Variants in MTCH2 observed in about 807,000 individuals in gnomAD.
MTCH2 encodes the protein mitochondrial carrier 2.
Under a neutral mutation model 50.6 loss-of-function variants are expected in MTCH2, and 25 were observed. The observed-to-expected ratio is 0.49, with a 90% CI of 0.36 to 0.69. The LOEUF (loss-of-function observed/expected upper bound fraction) is 0.69, where lower values mean the gene tolerates loss of function less well. Among genes scored for constraint, MTCH2 ranks in the 30% least tolerant of loss-of-function variants. The pLI is 0.00. For missense variants in MTCH2, 273 were observed against 384.4 expected (o/e 0.71, Z 2.42); for synonymous variants, 106 against 132.0 (o/e 0.80, Z 1.35).
At chr11:47,611,831 T>A in the MTCH2 span, among the ~76,000 whole-genome samples, 1 of 152,106 alleles carries the variant, frequency 6.6e-6, no homozygotes, top group Non-Finnish European at 1.5e-5. Context: ...GCAATTACAG[T>A]TTTCATGCAA....
At chr11:47,612,199 A>T in the MTCH2 span, among the ~76,000 whole-genome samples, 1 of 152,298 alleles carries the variant, frequency 6.6e-6, no homozygotes, top group Admixed American at 6.5e-5. Flanking sequence ...AGATGGCTTG[A>T]GTCCGGGAGT....
At chr11:47,620,567 T>C (rs1048396770) in intron 12 of MTCH2, among the ~76,000 whole-genome samples, 1 of 152,080 alleles carries the variant, frequency 6.6e-6, no homozygotes, top group Admixed American at 6.5e-5. Context: ...GGTAGGAGGA[T>C]TGCTTTACCC....
intron 1 of MTCH2, among the ~76,000 whole-genome samples, chr11:47,641,262 G>T (rs1399154638): frequency 6.6e-6 from 1 of 152,296 alleles, no homozygotes; most frequent in Admixed American, 6.5e-5. Flanking sequence ...TGCCAATTCT[G>T]TTTTGGATGT....
At chr11:47,615,344 A>G (rs2097287777), downstream of MTCH2, among the ~76,000 whole-genome samples, 2 of 152,180 alleles carry the variant, frequency 1.3e-5, no homozygotes, top group Admixed American at 6.6e-5. Context: ...CCTGCTGTAT[A>G]AAACATGAAC....
At chr11:47,634,562 T>C (rs1173468203) in intron 5 of MTCH2, 110 bp downstream of exon 5, 2 of 802,856 alleles carry the variant, frequency 2.5e-6, no homozygotes, top group African/African-American at 3.5e-5. Context: ...GAAGGTTTAA[T>C]TTCATTTGGG....
chr11:47,609,067 T>G, the MTCH2 span, among the ~76,000 whole-genome samples: 2 of 122,968 alleles, frequency 1.6e-5, no homozygotes, highest in African/African-American at 3.2e-5. Context: ...GAAGTTGCGG[T>G]GACCTGAGAT....
intron 9 of MTCH2, 97 bp downstream of exon 9, chr11:47,628,856 G>C: frequency 9.2e-7 from 1 of 1,082,572 alleles, no homozygotes; most frequent in Non-Finnish European, 1.4e-6. Flanking sequence ...GGGATTACAG[G>C]TGTGAGCCAC....
At position 47,642,537 on chromosome 11, in the gene MTCH2, G is replaced by C; in HGVS notation, c.-72C>G. Reference sequence around the variant, plus strand: ...ACCCGGTGAGCCGGTCCTAGGTCACGTGCCAGGGCCGCCGGTTTCACTGGC... The same window carrying C: ...ACCCGGTGAGCCGGTCCTAGGTCACCTGCCAGGGCCGCCGGTTTCACTGGC... On this transcript the variant is annotated 5_prime_UTR_variant, in exon 1 of 13. Transcript: ENST00000302503. 1 of 1,384,648 alleles carries C rather than the reference G, an allele frequency of 7.2e-7. No homozygotes were observed. The highest frequency in any genetic ancestry group is 9.7e-7 in the Non-Finnish European group (1 of 1,030,796). 85.8% of individuals were successfully genotyped at this position (1,384,648 alleles called of 1,614,324 possible).
At chr11:47,632,365 T>C (rs1404774848) in intron 5 of MTCH2, among the ~76,000 whole-genome samples, 1 of 152,062 alleles carries the variant, frequency 6.6e-6, no homozygotes, top group African/African-American at 2.4e-5. Context: ...GCATTTTTTT[T>C]TTTTTTTTAG....
intron 10 of MTCH2, among the ~76,000 whole-genome samples, chr11:47,626,629 T>C (rs780736240): frequency 1.6e-4 from 25 of 152,230 alleles, no homozygotes; most frequent in Middle Eastern, 3.4e-3. Flanking sequence ...CTCTTTTTTT[T>C]TGAGATGGAG....
At chr11:47,614,022 G>A (rs998105182), downstream of MTCH2, among the ~76,000 whole-genome samples, 2 of 152,124 alleles carry the variant, frequency 1.3e-5, no homozygotes, top group African/African-American at 4.8e-5. Context: ...GGAGGTGGAG[G>A]TTGCAGTGAG....
At chr11:47,641,372 G>T (rs1325124560) in intron 1 of MTCH2, among the ~76,000 whole-genome samples, 7 of 152,194 alleles carry the variant, frequency 4.6e-5, no homozygotes, top group African/African-American at 1.7e-4. Context: ...TACTCAGCAA[G>T]AAATAATTTG....
chr11:47,636,084 C>T (rs1598852340), intron 3 of MTCH2, among the ~76,000 whole-genome samples: 1 of 151,464 alleles, frequency 6.6e-6, no homozygotes, highest in East Asian at 2.0e-4. Flanking sequence ...GCCAAGATCA[C>T]GCCACTGCAC....
At position 47,642,431 on chromosome 11, in the gene MTCH2, G is replaced by A; in HGVS notation, c.35C>T (p.Ser12Phe). The change falls in exon 1 of 13, where the codon TCC becomes TTC. Residue 12 changes from serine to phenylalanine, a missense_variant. Ser to Phe is a radical substitution (Grantham distance 155, BLOSUM62 -2). This residue lies in a region of MTCH2 where 203 missense variants were observed against 244.3 expected (regional missense o/e 0.83). Transcript: ENST00000302503. ...ADAASQVLLG[S>F]GLTILSQPLM... ...CGGCTGGGACAGGATGGTGAGACCG[G>A]AGCCCAGGAGCACCTGACTGGCCGC... 6.2e-7 allele frequency: 1 copy of A among 1,608,652 alleles called. No homozygotes were observed. Among genetic ancestry groups the A allele is most frequent in the South Asian group, 1.1e-5 (1 of 90,210 alleles).
chr11:47,607,897 A>G, the MTCH2 span, among the ~76,000 whole-genome samples: 2 of 152,208 alleles, frequency 1.3e-5, 1 homozygote, highest in Admixed American at 1.3e-4. Context: ...TGATCCTTTC[A>G]TTATTATAAT....
chr11:47,631,763 G>A lies in MTCH2; in HGVS notation c.370-52C>T, dbSNP rs761945742. On this transcript the variant is annotated intron_variant, in intron 5 of 12. Transcript: ENST00000302503. ...AAATCTAAACAAATGACACTCAAAT[G>A]CCTGTGAGAAGGAATGTGGGTGGAT... 23 of 1,587,108 alleles carry A rather than the reference G, an allele frequency of 1.4e-5. No homozygotes were observed. The East Asian group carries it at 5.1e-4, about 36-fold the overall frequency.
chr11:47,638,891 A>G, intron 2 of MTCH2, 76 bp downstream of exon 2: 1 of 1,574,528 alleles, frequency 6.4e-7, no homozygotes, highest in Non-Finnish European at 8.7e-7. Context: ...CTTTCTATAT[A>G]TTTTCTTTCA....
At chr11:47,615,786 C>T, downstream of MTCH2, among the ~76,000 whole-genome samples, 2 of 2,162 alleles carry the variant, frequency 9.3e-4, no homozygotes, top group South Asian at 0.5. Context: ...GTGCCCGCCA[C>T]CACGCCTAAT....
At chr11:47,625,582 G>T in intron 11 of MTCH2, 92 bp downstream of exon 11, 2 of 801,416 alleles carry the variant, frequency 2.5e-6, no homozygotes, top group Non-Finnish European at 1.9e-6. Context: ...GATTGATACT[G>T]ATCATTCATC....
Sources: gnomAD v4.1 joint callset for allele counts (sites outside exome capture counted in the v4.1 genomes callset) on GRCh38, gnomAD v4.1.1 for gene constraint, gnomAD v4.1.1 regional missense constraint, MANE v1.5 for transcripts, NCBI Gene and HGNC (gene_info 2026-07-23, HGNC 2026-07-21) for gene names.